Variants in EPRS1 observed in about 807,000 individuals in gnomAD.
EPRS1 encodes the protein glutamyl-prolyl-tRNA synthetase 1.
Under a neutral mutation model 188.3 loss-of-function variants are expected in EPRS1, and 107 were observed. The observed-to-expected ratio is 0.57, with a 90% CI of 0.49 to 0.67. The LOEUF (loss-of-function observed/expected upper bound fraction) is 0.67. Ranked by LOEUF, EPRS1 falls within the 30% of genes least tolerant of loss-of-function variation. The pLI is 0.00. For synonymous variants in EPRS1, 596 were observed against 593.1 expected, an observed-to-expected ratio of 1.00 and a Z score of -0.07; for missense variants, 1,577 against 1,802.2, an observed-to-expected ratio of 0.88 and a Z score of 2.26.
chr1:219,999,061 GA>G, intron 17 of EPRS1, among the ~76,000 whole-genome samples: 1 of 151,952 alleles, frequency 6.6e-6, no homozygotes, highest in Non-Finnish European at 1.5e-5. Context: ...ACAATCTGAA[GA>G]AAAACCCAAA....
At chr1:219,992,225 G>T (rs982801874) in intron 18 of EPRS1, among the ~76,000 whole-genome samples, 2 of 152,096 alleles carry the variant, frequency 1.3e-5, no homozygotes, top group African/African-American at 4.8e-5. Flanking sequence ...TAACATTGGT[G>T]TAAAAAATAA....
intron 20 of EPRS1, among the ~76,000 whole-genome samples, chr1:219,985,039 C>T (rs1185419095): frequency 6.9e-6 from 1 of 145,730 alleles, no homozygotes. Context: ...AGTGAAACTC[C>T]GTCTCAAAAG....
At chr1:219,973,165 A>C in intron 29 of EPRS1, 73 bp downstream of exon 29, 4 of 1,384,386 alleles carry the variant, frequency 2.9e-6, no homozygotes, top group Non-Finnish European at 4.0e-6. Flanking sequence ...GCAACCCCAA[A>C]AATTCCTTGG....
At chr1:220,007,360 A>G (rs571630244) in intron 13 of EPRS1, 22 bp from the exon 14 acceptor site, 1 of 1,599,342 alleles carries the variant, frequency 6.3e-7, no homozygotes, top group South Asian at 1.1e-5. Flanking sequence ...AGAAAAGCAG[A>G]GTGTCTGTTG....
chr1:219,980,052 G>T (rs950430230), intron 26 of EPRS1, 33 bp downstream of exon 26: 1 of 1,599,432 alleles, frequency 6.3e-7, no homozygotes, highest in Non-Finnish European at 8.6e-7. Context: ...TGTGCTTACA[G>T]TGACCTACGA....
intron 2 of EPRS1, among the ~76,000 whole-genome samples, chr1:220,037,374 A>C (rs1464019560): frequency 6.6e-6 from 1 of 151,810 alleles, no homozygotes; most frequent in African/African-American, 2.4e-5. Context: ...GCATGGTGGC[A>C]CATGCCTGTA....
At chr1:220,031,442 G>A (rs1250872729) in intron 5 of EPRS1, among the ~76,000 whole-genome samples, 2 of 151,620 alleles carry the variant, frequency 1.3e-5, no homozygotes, top group Non-Finnish European at 2.9e-5. Flanking sequence ...ACAAAGTGCA[G>A]TAGCACTGAA....
intron 9 of EPRS1, among the ~76,000 whole-genome samples, chr1:220,021,488 T>C (rs1661877532): frequency 6.6e-6 from 1 of 152,176 alleles, no homozygotes; most frequent in Non-Finnish European, 1.5e-5. Context: ...CATGAGCCAC[T>C]GTGCCCAGCC....
At chr1:219,992,233 T>C (rs1334590821) in intron 18 of EPRS1, among the ~76,000 whole-genome samples, 1 of 151,910 alleles carries the variant, frequency 6.6e-6, no homozygotes, top group Admixed American at 6.6e-5. Context: ...GTGTAAAAAA[T>C]AAAAGAGCAA....
chr1:220,032,660 G>T, intron 4 of EPRS1, 134 bp from the exon 5 acceptor site: 1 of 827,000 alleles, frequency 1.2e-6, no homozygotes, highest in Non-Finnish European at 1.9e-6. Context: ...TAAATATCTG[G>T]ATATACACTG....
rs372871451 is a variant in EPRS1, at chr1:219,979,551, G to C, written c.3776C>G (p.Pro1259Arg). Residue 1259 changes from proline to arginine, a missense_variant, in exon 27 of 32, where the codon CCA becomes CGA. By Grantham distance (103) the Pro-to-Arg change is moderately radical. This residue lies in a region of EPRS1 where 296 missense variants were observed against 327.9 expected (regional missense o/e 0.90). Coordinates refer to ENST00000366923, the MANE Select transcript of EPRS1 (RefSeq NM_004446.3). ...AAATTGCTTCTCTCCTGGTATCTTT[G>C]GATCTTCAAAAACGATTTCAAACAT... Reference protein sequence around the residue: ...SKMFEIVFEDPKIPGEKQFAY... With the variant: ...SKMFEIVFEDRKIPGEKQFAY... The C allele has an allele frequency of 5.9e-5, 96 of 1,613,594 alleles. No individual in the cohort carries two copies. The highest frequency in any genetic ancestry group is 7.5e-5 in the Non-Finnish European group (89 of 1,179,844).
chr1:220,012,333 T>C (rs1661620495), intron 12 of EPRS1, among the ~76,000 whole-genome samples: 2 of 152,194 alleles, frequency 1.3e-5, no homozygotes, highest in South Asian at 4.1e-4. Flanking sequence ...CAGTTCAGTA[T>C]TTAAGTCAGT....
rs1322658399 is a variant in EPRS1 at position 219,981,401 on chromosome 1, G to A, written c.3430C>T (p.Leu1144Phe). The A allele has an allele frequency of 3.1e-6, 5 of 1,608,490 alleles. No homozygotes were observed. The highest frequency in any genetic ancestry group is 4.2e-6 in the Non-Finnish European group (5 of 1,176,624). ...VQSHRDLPIK[L>F]NQWCNVVRWE... ...ACCACCACATTGCACCACTGATTGA[G>A]CTTGATGGGCAGGTCTCTGTGTGAC... Residue 1144 changes from leucine to phenylalanine, a missense_variant, in exon 24 of 32, where the codon CTC becomes TTC. By Grantham distance (22) the Leu-to-Phe change is conservative (BLOSUM62 0). Coordinates refer to ENST00000366923, the MANE Select transcript of EPRS1 (RefSeq NM_004446.3).
chr1:220,022,183 G>A (rs1006141977), intron 9 of EPRS1, among the ~76,000 whole-genome samples, 164 bp downstream of exon 9: 3 of 152,094 alleles, frequency 2.0e-5, no homozygotes, highest in Non-Finnish European at 2.9e-5. Context: ...GTGAGTAAAC[G>A]GCCCGTGAAA....
intron 12 of EPRS1, among the ~76,000 whole-genome samples, chr1:220,013,780 A>C (rs1363749708): frequency 6.6e-6 from 1 of 152,224 alleles, no homozygotes; most frequent in Non-Finnish European, 1.5e-5. Context: ...GTTTCAGTGT[A>C]TGAAGACATC....
intron 21 of EPRS1, 141 bp from the exon 22 acceptor site, chr1:219,983,539 A>C: frequency 1.6e-6 from 1 of 623,976 alleles, no homozygotes; most frequent in Admixed American, 3.0e-5. Context: ...TCATAATGGA[A>C]GTAAAACAGA....
At chr1:219,993,882 AAGT>A (rs1289685641) in intron 18 of EPRS1, among the ~76,000 whole-genome samples, 7 of 152,202 alleles carry the variant, frequency 4.6e-5, no homozygotes, top group Non-Finnish European at 7.3e-5. Context: ...CAAATAGAAA[AAGT>A]AGCATTCTTT....
chr1:219,987,313 G>A lies in EPRS1; in HGVS notation c.2867C>T (p.Thr956Ile). The change falls in exon 20 of 32, where the codon ACT becomes ATT. Residue 956 changes from threonine to isoleucine, a missense_variant. By Grantham distance (89) the Thr-to-Ile change is moderately conservative (BLOSUM62 -1). This residue lies in a region of EPRS1 where 1,278 missense variants were observed against 1,457.4 expected (regional missense o/e 0.88). Transcript: ENST00000366923. Reference sequence around the variant, plus strand: ...CTTCTTATCTTTGTCCTCAGCTCCAGTGGCCGACACAGGCTTATACTCTAC... The same window carrying A: ...CTTCTTATCTTTGTCCTCAGCTCCAATGGCCGACACAGGCTTATACTCTAC... Reference protein sequence around the residue: ...IGVEYKPVSATGAEDKDKKKK... With the variant: ...IGVEYKPVSAIGAEDKDKKKK... 6.2e-7 allele frequency: 1 copy of A among 1,613,930 alleles called. No individual in the cohort carries two copies. The highest frequency in any genetic ancestry group is 2.2e-5 in the East Asian group (1 of 44,868).
rs767755769 is a variant in EPRS1, at chr1:219,979,447, C to G, written c.3880G>C (p.Val1294Leu). 6.2e-6 allele frequency: 10 copies of G among 1,613,892 alleles called. No individual in the cohort carries two copies. In the South Asian group the frequency reaches 9.9e-5, roughly 16 times the overall value. Residue 1294 changes from valine (V) to leucine (L), a missense_variant, in exon 27 of 32, where the codon GTA (valine) becomes CTA (leucine). Physicochemically the swap from Val to Leu is conservative, Grantham distance 32. Around this residue, in one of 3 missense-constraint regions of EPRS1, gnomAD observed 296 missense variants for 327.9 expected, o/e 0.90. Transcript: ENST00000366923. ...TMVHGDNMGL[V>L]LPPRVACVQV... ...ACACATGCTACACGGGGTGGTAATA[C>G]TAAACCCATGTTGTCCCCATGAACC...
Sources: gnomAD v4.1 joint callset for allele counts (sites outside exome capture counted in the v4.1 genomes callset) on GRCh38, gnomAD v4.1.1 for gene constraint, gnomAD v4.1.1 regional missense constraint, MANE v1.5 for transcripts, NCBI Gene and HGNC (gene_info 2026-07-23, HGNC 2026-07-21) for gene names.